The following JCAD variants were observed in gnomAD, a reference collection of about 807,000 sequenced individuals.
The protein encoded by JCAD is junctional cadherin 5 associated.
JCAD carries 40 observed loss-of-function variants against 98.0 expected under a neutral mutation model. That is an observed-to-expected ratio of 0.41 (90% CI 0.32 to 0.53). The LOEUF (loss-of-function observed/expected upper bound fraction) is 0.53, where lower values mean the gene tolerates loss of function less well. Among genes scored for constraint, JCAD ranks in the 20% least tolerant of loss-of-function variants. JCAD has a pLI of 0.31. For synonymous variants in JCAD, 691 were observed against 682.3 expected, an observed-to-expected ratio of 1.01 and a Z score of -0.20; for missense variants, 1,705 against 1,738.1, an observed-to-expected ratio of 0.98 and a Z score of 0.34.
At position 30,059,173 on chromosome 10, in the gene JCAD, C is replaced by A. The variant is rs1281709318; in HGVS notation, c.-60+309G>T. On this transcript the variant is annotated intron_variant, in intron 1 of 3. Coordinates refer to ENST00000375377, the MANE Select transcript of JCAD (RefSeq NM_020848.4). The surrounding 1 kb of genome is among the most constrained non-coding windows in gnomAD (Gnocchi z 5.0). ...GCGACGCGAGCGCTAACGCCAGCCGCGGCCCGCGGTGCCCGCCCCGGGACC... is the reference window on the plus strand; with the variant it reads ...GCGACGCGAGCGCTAACGCCAGCCGAGGCCCGCGGTGCCCGCCCCGGGACC... Among the ~76,000 whole-genome samples, 1 of 151,648 alleles carries A rather than the reference C, an allele frequency of 6.6e-6. No homozygotes were observed. Among genetic ancestry groups the A allele is most frequent in the African/African-American group, 2.4e-5 (1 of 41,342 alleles).
At chr10:30,092,088 T>TATAA (rs1217683783) in intron 1 of JCAD, among the ~76,000 whole-genome samples, 3 of 28,900 alleles carry the variant, frequency 1.0e-4, no homozygotes, top group Admixed American at 6.2e-4. Flanking sequence ...TATATATATA[T>TATAA]AAAGTTACTT....
chr10:30,033,674 G>T (rs762761641), intron 2 of JCAD, among the ~76,000 whole-genome samples: 2 of 152,162 alleles, frequency 1.3e-5, no homozygotes, highest in Non-Finnish European at 2.9e-5. Flanking sequence ...CAGCAACACA[G>T]TCTGCTTTTC....
chr10:30,102,524 T>A lies in JCAD; in HGVS notation n.128+12843A>T, dbSNP rs1045058850. ...ACAATATTAACTTATAGGCATAATG[T>A]TGCACAGCAGATCTCTAGAACTTAC... is the stretch of plus-strand genomic sequence containing the variant. On this transcript the variant is annotated intron_variant and non_coding_transcript_variant, in intron 1 of 2. Coordinates refer to the JCAD transcript ENST00000465712. 5.3e-5 allele frequency among the ~76,000 whole-genome samples: 8 copies of A among 152,328 alleles called. No homozygotes were observed. The South Asian group carries it at 1.7e-3, about 32-fold the overall frequency.
intron 2 of JCAD, among the ~76,000 whole-genome samples, chr10:30,068,834 G>A (rs532150783): frequency 1.1e-4 from 16 of 152,238 alleles, no homozygotes; most frequent in African/African-American, 3.4e-4. Flanking sequence ...CAAAGCCACT[G>A]GAATTATTCC....
Position 30,027,551 on chromosome 10 carries a change from G to C in JCAD, c.2597C>G (p.Pro866Arg). ...SSSSEESEAE[P>R]QQENRAHCRQ... The stretch of plus-strand genomic sequence containing the variant: ...GCAGTGAGCACGGTTCTCCTGCTGC[G>C]GCTCCGCCTCACTCTCCTCACTGCT... Residue 866 changes from proline to arginine, a missense_variant, in exon 3 of 4, where the codon CCG (proline) becomes CGG (arginine). Transcript: ENST00000375377. 6.2e-7 allele frequency: 1 copy of C among 1,613,768 alleles called. No individual in the cohort carries two copies. The highest frequency in any genetic ancestry group is 8.5e-7 in the Non-Finnish European group (1 of 1,180,046).
Position 30,035,373 on chromosome 10 carries a change from G to A in JCAD, c.282-5507C>T, listed in dbSNP as rs566323843. 1.1e-4 allele frequency among the ~76,000 whole-genome samples: 16 copies of A among 152,296 alleles called. No homozygotes were observed. The East Asian group carries it at 2.9e-3, about 28-fold the overall frequency. On this transcript the variant is annotated intron_variant, in intron 2 of 3. Coordinates refer to ENST00000375377, the MANE Select transcript of JCAD (RefSeq NM_020848.4). Reference sequence around the variant, plus strand: ...AATTTAATAAAAATACAGGTCATCCGGGAAATTTTAAATTATCTACTTTGC... The same window carrying A: ...AATTTAATAAAAATACAGGTCATCCAGGAAATTTTAAATTATCTACTTTGC...
intron 1 of JCAD, among the ~76,000 whole-genome samples, chr10:30,104,853 A>G (rs1554803861): frequency 6.6e-6 from 1 of 152,222 alleles, no homozygotes. Flanking sequence ...AGAAGAGAGA[A>G]GAGCGGAGGG....
chr10:30,058,581 A>T (rs1042637243), intron 1 of JCAD, among the ~76,000 whole-genome samples: 2 of 152,120 alleles, frequency 1.3e-5, no homozygotes, highest in African/African-American at 4.8e-5. Flanking sequence ...CTGCTTCTTG[A>T]CGGAAGCGAG....
chr10:30,084,144 GAAA>G (rs926508647), intron 1 of JCAD, among the ~76,000 whole-genome samples: 9 of 146,508 alleles, frequency 6.1e-5, no homozygotes, highest in Non-Finnish European at 9.0e-5. Context: ...GAAGAGAAAA[GAAA>G]AAAGAAAAGG....
intron 3 of JCAD, among the ~76,000 whole-genome samples, chr10:30,024,967 TTACAGGCTTGA>T (rs1836757839): frequency 6.6e-6 from 1 of 152,032 alleles, no homozygotes; most frequent in Non-Finnish European, 1.5e-5. Context: ...AGTGTTGGGA[TTACAGGCTTGA>T]GCCACAGCAC....
intron 2 of JCAD, among the ~76,000 whole-genome samples, chr10:30,043,902 G>A (rs1837287167): frequency 6.6e-6 from 1 of 152,212 alleles, no homozygotes; most frequent in Non-Finnish European, 1.5e-5. Context: ...TCTGGGCTTT[G>A]TGTTGGCTAT....
At chr10:30,075,112 A>G (rs1837960138) in intron 1 of JCAD, among the ~76,000 whole-genome samples, 1 of 152,134 alleles carries the variant, frequency 6.6e-6, no homozygotes, top group South Asian at 2.1e-4. Context: ...GAAGGGTTTA[A>G]TTATTTTGTT....
intron 3 of JCAD, among the ~76,000 whole-genome samples, chr10:30,022,667 C>T (rs879390754): frequency 1.1e-4 from 17 of 152,182 alleles, no homozygotes; most frequent in Non-Finnish European, 2.2e-4. Context: ...TGTAAGATAT[C>T]GTCCCTAATG....
At chr10:30,088,963 G>A (rs1838211380) in intron 1 of JCAD, among the ~76,000 whole-genome samples, 1 of 152,196 alleles carries the variant, frequency 6.6e-6, no homozygotes, top group Non-Finnish European at 1.5e-5. Context: ...GGGCGACAGA[G>A]CGAGATGCCA....
chr10:30,081,071 A>G (rs1838075654), intron 1 of JCAD, among the ~76,000 whole-genome samples: 1 of 152,154 alleles, frequency 6.6e-6, no homozygotes, highest in Admixed American at 6.5e-5. Flanking sequence ...TCTGCCCCAA[A>G]TCTCCTTACT....
At chr10:30,077,931 A>C (rs1838008286) in intron 1 of JCAD, among the ~76,000 whole-genome samples, 1 of 152,236 alleles carries the variant, frequency 6.6e-6, no homozygotes, top group African/African-American at 2.4e-5. Flanking sequence ...TATACCTAGA[A>C]GTAGAATGGC....
At chr10:30,050,847 A>T (rs1837453287) in intron 1 of JCAD, among the ~76,000 whole-genome samples, 1 of 152,252 alleles carries the variant, frequency 6.6e-6, no homozygotes, top group East Asian at 1.9e-4. Context: ...ATGAAATCTA[A>T]TAACATCAAC....
At chr10:30,058,527 A>T (rs1837628620) in intron 1 of JCAD, among the ~76,000 whole-genome samples, 1 of 152,218 alleles carries the variant, frequency 6.6e-6, no homozygotes, top group African/African-American at 2.4e-5. Flanking sequence ...TTCAGTAGTG[A>T]AATCACAGCT....
At chr10:30,030,373 C>T (rs771511768) in intron 2 of JCAD, among the ~76,000 whole-genome samples, 1 of 152,054 alleles carries the variant, frequency 6.6e-6, no homozygotes, top group African/African-American at 2.4e-5. Flanking sequence ...CCCAGGAGTT[C>T]GAGGCTGCAG....
Sources: gnomAD v4.1 joint callset for allele counts (sites outside exome capture counted in the v4.1 genomes callset) on GRCh38, gnomAD v4.1.1 for gene constraint, Gnocchi (gnomAD v3.1) non-coding constraint, MANE v1.5 for transcripts, NCBI Gene and HGNC (gene_info 2026-07-23, HGNC 2026-07-21) for gene names.